TENM3: variants seen among roughly 807,000 people sequenced by gnomAD.
The protein encoded by TENM3 is teneurin transmembrane protein 3, also known as teneurin-3.
A neutral mutation model predicts 255.1 loss-of-function variants in TENM3; 63 were observed. That is an observed-to-expected ratio of 0.25 (90% CI 0.20 to 0.30). The LOEUF (loss-of-function observed/expected upper bound fraction) is 0.30, where lower values mean the gene tolerates loss of function less well. Among genes scored for constraint, TENM3 ranks in the 10% least tolerant of loss-of-function variants. The probability of loss-of-function intolerance (pLI) is 1.00; values close to 1 mark genes in which losing one functional copy is unlikely to be tolerated. For synonymous variants in TENM3, 1,306 were observed against 1,322.3 expected, an observed-to-expected ratio of 0.99 and a Z score of 0.27; for missense variants, 2,929 against 3,461.1, an observed-to-expected ratio of 0.85 and a Z score of 3.86.
chr4:182,080,556 C>T, the TENM3 span, among the ~76,000 whole-genome samples: 2 of 152,258 alleles, frequency 1.3e-5, no homozygotes, highest in Middle Eastern at 3.4e-3. Flanking sequence ...ACAGGTACTA[C>T]TTGTGTTATA....
intron 3 of TENM3, among the ~76,000 whole-genome samples, chr4:182,388,592 T>G (rs1561395573): frequency 1.3e-5 from 2 of 152,196 alleles, no homozygotes; most frequent in South Asian, 2.1e-4. Flanking sequence ...TCAAAAATGC[T>G]CTGCTGGCTT....
intron 3 of TENM3, among the ~76,000 whole-genome samples, chr4:182,543,543 C>A (rs1336063180): frequency 4.6e-5 from 7 of 152,172 alleles, no homozygotes; most frequent in African/African-American, 1.7e-4. Context: ...AACCTCTAAC[C>A]TTAAACAGGT....
chr4:181,515,209 TC>T, the TENM3 span, among the ~76,000 whole-genome samples: 3 of 152,178 alleles, frequency 2.0e-5, no homozygotes, highest in Non-Finnish European at 4.4e-5. Flanking sequence ...GCCTCTGCTT[TC>T]CCCCGGCTCA....
chr4:181,829,554 C>G, the TENM3 span, among the ~76,000 whole-genome samples: 1 of 152,348 alleles, frequency 6.6e-6, no homozygotes, highest in East Asian at 1.9e-4. Context: ...TCACTCTACA[C>G]AGATGCTCAT....
the TENM3 span, among the ~76,000 whole-genome samples, chr4:181,666,320 A>C: frequency 6.6e-6 from 1 of 152,310 alleles, no homozygotes; most frequent in South Asian, 2.1e-4. Flanking sequence ...TTCCTAAAGT[A>C]TCTTCACCAG....
chr4:182,485,086 T>C (rs1206420934), intron 3 of TENM3, among the ~76,000 whole-genome samples: 1 of 152,164 alleles, frequency 6.6e-6, no homozygotes, highest in African/African-American at 2.4e-5. Context: ...AATAAAGGTA[T>C]ACCATGTTCC....
Position 182,451,205 on chromosome 4 carries a change from A to C in TENM3, c.511+104276A>C, listed in dbSNP as rs529019917. Among the ~76,000 whole-genome samples, 5 of 152,340 alleles carry C rather than the reference A, an allele frequency of 3.3e-5. No homozygotes were observed. In the South Asian group the frequency reaches 1.0e-3, roughly 32 times the overall value. ...AGTATTCAGCAGATTTTTAATTACC[A>C]AATAAAATCATACTAAATTTTGGCT... is the stretch of plus-strand genomic sequence containing the variant. On this transcript the variant is annotated intron_variant, in intron 3 of 27. Transcript: ENST00000511685.
chr4:181,810,163 G>C, the TENM3 span, among the ~76,000 whole-genome samples: 1 of 152,098 alleles, frequency 6.6e-6, no homozygotes, highest in African/African-American at 2.4e-5. Context: ...TGTGCACTGT[G>C]GGAGAAAAGC....
chr4:182,274,284 G>C (rs555367587), intron 1 of TENM3, among the ~76,000 whole-genome samples: 4 of 152,200 alleles, frequency 2.6e-5, no homozygotes, highest in Non-Finnish European at 5.9e-5. Flanking sequence ...GTGTCATAAA[G>C]AAAGCATTTT....
the TENM3 span, among the ~76,000 whole-genome samples, chr4:181,948,707 C>T: frequency 2.0e-5 from 3 of 152,250 alleles, no homozygotes; most frequent in Admixed American, 6.5e-5. Flanking sequence ...TGAGCCACCG[C>T]GCCTGGCCGG....
At chr4:181,767,146 G>A in the TENM3 span, among the ~76,000 whole-genome samples, 1 of 148,452 alleles carries the variant, frequency 6.7e-6, no homozygotes, top group African/African-American at 2.5e-5. Context: ...CAGCTACTCG[G>A]GAGGCTGAGG....
the TENM3 span, among the ~76,000 whole-genome samples, chr4:181,883,488 T>C: frequency 1.3e-5 from 2 of 152,210 alleles, no homozygotes; most frequent in Non-Finnish European, 2.9e-5. Context: ...TTGTTGTTGT[T>C]GAGGCGGAGT....
At chr4:182,769,887 C>T (rs539477818) in intron 22 of TENM3, among the ~76,000 whole-genome samples, 15 of 151,866 alleles carry the variant, frequency 9.9e-5, no homozygotes, top group Admixed American at 9.8e-4. Context: ...GGTGGATCAC[C>T]TGAGGACAGG....
the TENM3 span, among the ~76,000 whole-genome samples, chr4:181,674,094 C>T: frequency 3.9e-5 from 6 of 152,126 alleles, no homozygotes; most frequent in Non-Finnish European, 8.8e-5. Context: ...CTCCTGGGCT[C>T]AAGCCATCAT....
chr4:181,726,253 G>A, the TENM3 span, among the ~76,000 whole-genome samples: 1 of 152,038 alleles, frequency 6.6e-6, no homozygotes, highest in Non-Finnish European at 1.5e-5. Context: ...GCTAAATGAG[G>A]TCCCTGGGGA....
chr4:182,482,774 G>A (rs985623278), intron 3 of TENM3, among the ~76,000 whole-genome samples: 1 of 152,002 alleles, frequency 6.6e-6, no homozygotes, highest in Non-Finnish European at 1.5e-5. Context: ...ACAGGAATAT[G>A]GTCTATTTTT....
the TENM3 span, among the ~76,000 whole-genome samples, chr4:181,532,205 T>C: frequency 6.6e-6 from 1 of 152,084 alleles, no homozygotes; most frequent in African/African-American, 2.4e-5. Context: ...GTGTATGAAA[T>C]GCATCAAAAA....
intron 1 of TENM3, among the ~76,000 whole-genome samples, chr4:182,180,111 G>A (rs571762239): frequency 1.1e-3 from 167 of 145,250 alleles, no homozygotes; most frequent in Non-Finnish European, 2.2e-3. Flanking sequence ...TACTTTCAGG[G>A]TAAAAAAAAA....
chr4:181,706,922 G>A, the TENM3 span, among the ~76,000 whole-genome samples: 1 of 152,162 alleles, frequency 6.6e-6, no homozygotes. Context: ...GCCCAAATAC[G>A]TTAGCCCTAG....
Sources: gnomAD v4.1 joint callset for allele counts (sites outside exome capture counted in the v4.1 genomes callset) on GRCh38, gnomAD v4.1.1 for gene constraint, MANE v1.5 for transcripts, NCBI Gene and HGNC (gene_info 2026-07-23, HGNC 2026-07-21) for gene names.